Variants in DPYD observed in about 807,000 individuals in gnomAD.
The protein encoded by DPYD is dihydropyrimidine dehydrogenase [NADP(+)].
In DPYD, 109 loss-of-function variants were observed where a neutral mutation model predicts 116.2. The ratio of observed to expected loss-of-function variants is 0.94; its 90% CI spans 0.80 to 1.10. The LOEUF (loss-of-function observed/expected upper bound fraction) is 1.10, where lower values mean the gene tolerates loss of function less well. DPYD is among the 50% of genes least tolerant of loss of function. The pLI, the probability that DPYD is intolerant of heterozygous loss-of-function variation, is 0.00. For missense variants in DPYD, 1,302 were observed against 1,254.5 expected (o/e 1.04, Z -0.57); for synonymous variants, 440 against 432.0 (o/e 1.02, Z -0.23).
chr1:97,192,172 A>G (rs1329293514), intron 20 of DPYD, among the ~76,000 whole-genome samples: 2 of 152,268 alleles, frequency 1.3e-5, no homozygotes, highest in East Asian at 3.9e-4. Flanking sequence ...AACTAGCCAA[A>G]TATAAGTCAA....
intron 5 of DPYD, among the ~76,000 whole-genome samples, chr1:97,708,834 C>G (rs908983559): frequency 1.3e-5 from 2 of 151,788 alleles, no homozygotes; most frequent in Admixed American, 6.6e-5. Context: ...TAGTTTTTCT[C>G]ATATACATAT....
At chr1:97,784,843 A>G (rs564011372) in intron 3 of DPYD, among the ~76,000 whole-genome samples, 2 of 152,352 alleles carry the variant, frequency 1.3e-5, no homozygotes, top group East Asian at 3.9e-4. Flanking sequence ...AGTTAAATAG[A>G]CACTAACAAA....
intron 8 of DPYD, among the ~76,000 whole-genome samples, chr1:97,632,031 A>C (rs754914182): frequency 6.6e-6 from 1 of 152,132 alleles, no homozygotes; most frequent in African/African-American, 2.4e-5. Context: ...GCAGAAGCCC[A>C]TGTAACTTCT....
chr1:97,356,299 T>A (rs1670426335), intron 16 of DPYD, among the ~76,000 whole-genome samples: 1 of 152,222 alleles, frequency 6.6e-6, no homozygotes, highest in Non-Finnish European at 1.5e-5. Context: ...TCCAAAGAGT[T>A]GTTTAGTCTC....
chr1:97,827,863 T>C (rs1390210347), intron 3 of DPYD, among the ~76,000 whole-genome samples: 1 of 152,136 alleles, frequency 6.6e-6, no homozygotes, highest in Non-Finnish European at 1.5e-5. Flanking sequence ...AGTATAAGTA[T>C]AAAACAAGAC....
chr1:97,646,082 C>G (rs1658242684), intron 8 of DPYD, among the ~76,000 whole-genome samples: 1 of 151,972 alleles, frequency 6.6e-6, no homozygotes, highest in Non-Finnish European at 1.5e-5. Flanking sequence ...AAAAGTTTTC[C>G]TAGGATATTT....
chr1:97,087,496 T>C (rs1649599956), intron 21 of DPYD, among the ~76,000 whole-genome samples: 2 of 151,944 alleles, frequency 1.3e-5, no homozygotes, highest in Non-Finnish European at 2.9e-5. Context: ...AGCAAGTAAA[T>C]CAAGAGATGG....
chr1:97,770,062 G>C (rs539064441), intron 3 of DPYD, among the ~76,000 whole-genome samples: 2 of 152,256 alleles, frequency 1.3e-5, no homozygotes, highest in South Asian at 4.1e-4. Context: ...CTGAGAGGAA[G>C]GGCATTTTGG....
At chr1:97,446,923 A>G (rs755540231) in intron 14 of DPYD, among the ~76,000 whole-genome samples, 1 of 152,170 alleles carries the variant, frequency 6.6e-6, no homozygotes, top group African/African-American at 2.4e-5. Flanking sequence ...ACAATGATCA[A>G]TGTGCCAAAT....
At chr1:97,108,636 C>G (rs74561515) in intron 20 of DPYD, among the ~76,000 whole-genome samples, 7,445 of 152,040 alleles carry the variant, frequency 0.049, 420 homozygotes, top group African/African-American at 0.14. Flanking sequence ...TATTTTACCT[C>G]ATTACTAAAT....
At chr1:97,830,576 T>C (rs1669489810) in intron 2 of DPYD, among the ~76,000 whole-genome samples, 1 of 151,776 alleles carries the variant, frequency 6.6e-6, no homozygotes, top group South Asian at 2.1e-4. Flanking sequence ...CTGGGCATGG[T>C]GGGTGCACCT....
intron 5 of DPYD, among the ~76,000 whole-genome samples, chr1:97,718,585 C>T (rs1662747082): frequency 1.3e-5 from 2 of 151,904 alleles, no homozygotes; most frequent in African/African-American, 4.8e-5. Context: ...TTTTGACACA[C>T]AAATCCTGGA....
chr1:97,177,932 T>C (rs879389666), intron 20 of DPYD, among the ~76,000 whole-genome samples: 2 of 152,118 alleles, frequency 1.3e-5, no homozygotes, highest in Admixed American at 6.5e-5. Flanking sequence ...AGATGGCAAC[T>C]TCTCACTGTA....
intron 1 of DPYD, among the ~76,000 whole-genome samples, chr1:97,900,899 T>G (rs1417649072): frequency 6.6e-6 from 1 of 151,926 alleles, no homozygotes; most frequent in African/African-American, 2.4e-5. Flanking sequence ...CTATCTCTAT[T>G]AATATTCTAA....
intron 11 of DPYD, among the ~76,000 whole-genome samples, chr1:97,559,634 T>C (rs1456950280): frequency 6.6e-6 from 1 of 152,120 alleles, no homozygotes; most frequent in Non-Finnish European, 1.5e-5. Flanking sequence ...TTGATATCCA[T>C]CTTACGGCTT....
intron 14 of DPYD, among the ~76,000 whole-genome samples, chr1:97,393,485 A>C (rs1379976041): frequency 1.3e-5 from 2 of 151,082 alleles, no homozygotes; most frequent in Non-Finnish European, 3.0e-5. Flanking sequence ...GATGTTCCCT[A>C]CCTTGTGTCC....
intron 18 of DPYD, among the ~76,000 whole-genome samples, chr1:97,286,317 G>A (rs1426506046): frequency 6.6e-6 from 1 of 152,124 alleles, no homozygotes; most frequent in Non-Finnish European, 1.5e-5. Context: ...TTCCCTTTGT[G>A]GGTATCCCGA....
intron 5 of DPYD, among the ~76,000 whole-genome samples, chr1:97,715,335 T>G (rs1662553682): frequency 6.6e-6 from 1 of 152,116 alleles, no homozygotes; most frequent in African/African-American, 2.4e-5. Context: ...GTGACAAAAA[T>G]TAATGAAGAT....
intron 2 of DPYD, among the ~76,000 whole-genome samples, chr1:97,854,825 C>A (rs998308774): frequency 6.6e-6 from 1 of 152,086 alleles, no homozygotes; most frequent in African/African-American, 2.4e-5. Context: ...CCATCATGAG[C>A]AGGGTGAGAT....
Sources: allele counts gnomAD v4.1 joint callset (sites outside exome capture counted in the v4.1 genomes callset), GRCh38; gene constraint gnomAD v4.1.1; transcripts MANE v1.5; gene names NCBI Gene and HGNC (gene_info 2026-07-23, HGNC 2026-07-21).